IL1RAPL2: variants seen among roughly 807,000 people sequenced by gnomAD.
The protein encoded by IL1RAPL2 is interleukin 1 receptor accessory protein like 2.
Under a neutral mutation model 44.1 loss-of-function variants are expected in IL1RAPL2, and 3 were observed. The ratio of observed to expected loss-of-function variants is 0.07; its 90% confidence interval spans 0.03 to 0.18. The LOEUF (loss-of-function observed/expected upper bound fraction) is 0.18, where lower values mean the gene tolerates loss of function less well. IL1RAPL2 is among the 10% of genes least tolerant of loss of function. The pLI, the probability that IL1RAPL2 is intolerant of heterozygous loss-of-function variation, is 1.00. For synonymous variants in IL1RAPL2, 181 were observed against 178.8 expected (o/e 1.01, Z -0.10); for missense variants, 391 against 496.4 (o/e 0.79, Z 2.02).
rs143247526 is a variant in IL1RAPL2 at position 105,310,695 on chromosome X, C to G, written c.697+43154C>G. On this transcript the variant is annotated intron_variant, in intron 5 of 10. Transcript: ENST00000372582. The stretch of plus-strand genomic sequence containing the variant: ...TGAAATAATTTTCCAGTTACCATTA[C>G]GATTTATTATTTGGTATATGGTATA... Among the ~76,000 whole-genome samples, 386 of 111,129 alleles carry G rather than the reference C, an allele frequency of 3.5e-3. 2 individuals carry two copies. The highest frequency in any genetic ancestry group is 0.012 in the African/African-American group (369 of 30,687).
rs764521435 is a variant in IL1RAPL2, at chrX:104,943,123, A to C, written c.83-252352A>C. On this transcript the variant is annotated intron_variant, in intron 2 of 10. Transcript: ENST00000372582. ...GTATTTTATTGAGGATTTTTCATCG[A>C]TGTTCATCAGGGATATTGGTCTCAA... Among the ~76,000 whole-genome samples, 20 of 111,317 alleles carry C rather than the reference A, an allele frequency of 1.8e-4. 1 individual carries two copies. In the Middle Eastern group the frequency reaches 0.023, roughly 128 times the overall value.
intron 5 of IL1RAPL2, among the ~76,000 whole-genome samples, chrX:105,308,190 A>AT (rs1430249049): frequency 9.0e-6 from 1 of 111,263 alleles, no homozygotes; most frequent in Non-Finnish European, 1.9e-5. Context: ...TATTCATAAC[A>AT]TTTTTCCTAA....
At chrX:104,916,885 A>G (rs1481220375) in intron 2 of IL1RAPL2, among the ~76,000 whole-genome samples, 2 of 111,501 alleles carry the variant, frequency 1.8e-5, no homozygotes, top group African/African-American at 6.5e-5. Flanking sequence ...TGATTTGCGT[A>G]TATTGAACCA....
chrX:105,667,506 C>T (rs1471351750), intron 6 of IL1RAPL2, among the ~76,000 whole-genome samples: 6 of 112,013 alleles, frequency 5.4e-5, no homozygotes, highest in Admixed American at 1.9e-4. Context: ...AATTCTATCT[C>T]CCATCCATAT....
At chrX:105,694,893 G>T (rs978244738) in intron 6 of IL1RAPL2, among the ~76,000 whole-genome samples, 1 of 111,407 alleles carries the variant, frequency 9.0e-6, no homozygotes, top group African/African-American at 3.3e-5. Context: ...TTTCATTTGG[G>T]AGGCTGTGAT....
At chrX:105,680,548 C>T (rs1333938078) in intron 6 of IL1RAPL2, among the ~76,000 whole-genome samples, 1 of 112,080 alleles carries the variant, frequency 8.9e-6, no homozygotes, top group African/African-American at 3.2e-5. Context: ...GTTGTATAAC[C>T]AATGTTTCCA....
rs570064914 is a variant in IL1RAPL2 at position 104,883,942 on chromosome X, G to A, written c.82+224947G>A. On this transcript the variant is annotated intron_variant, in intron 2 of 10. Coordinates refer to ENST00000372582, the MANE Select transcript of IL1RAPL2 (RefSeq NM_017416.2). Reference sequence around the variant, plus strand: ...CTGGAGATCCCTCCCCTCCCTCAGGGTATGGCCCTCCACTTCATTTTTGGG... The same window carrying A: ...CTGGAGATCCCTCCCCTCCCTCAGGATATGGCCCTCCACTTCATTTTTGGG... 3.6e-5 allele frequency among the ~76,000 whole-genome samples: 4 copies of A among 111,997 alleles called. No individual in the cohort carries two copies. In the South Asian group the frequency reaches 1.5e-3, roughly 42 times the overall value.
At chrX:105,041,227 C>T (rs1444816162) in intron 2 of IL1RAPL2, among the ~76,000 whole-genome samples, 2 of 111,382 alleles carry the variant, frequency 1.8e-5, no homozygotes, top group Admixed American at 1.9e-4. Context: ...AGTTTGATTG[C>T]ACTGTGGTCT....
intron 5 of IL1RAPL2, among the ~76,000 whole-genome samples, chrX:105,467,476 G>A (rs1375156799): frequency 9.0e-6 from 1 of 111,497 alleles, no homozygotes; most frequent in Non-Finnish European, 1.9e-5. Context: ...ATAATTCACT[G>A]TGATTTTGGA....
At position 104,749,132 on chromosome X, in the gene IL1RAPL2, T is replaced by C. The variant is rs150953816; in HGVS notation, c.82+90137T>C. Among the ~76,000 whole-genome samples the C allele has an allele frequency of 1.7e-3, 190 of 111,399 alleles. 3 individuals are homozygous for C. The East Asian group carries it at 0.035, about 21-fold the overall frequency. ...GGGTAGAAGATATAGAGAAACTAGA[T>C]ACCAATGTTAGGATTCCAGGAGAAT... On this transcript the variant is annotated intron_variant, in intron 2 of 10. Transcript: ENST00000372582.
At chrX:104,699,202 T>C (rs1251852765) in intron 2 of IL1RAPL2, among the ~76,000 whole-genome samples, 1 of 111,674 alleles carries the variant, frequency 9.0e-6, no homozygotes, top group Non-Finnish European at 1.9e-5. Context: ...ATGATTCAAG[T>C]GCATTACATT....
chrX:105,616,419 G>A (rs1018167171), intron 6 of IL1RAPL2, among the ~76,000 whole-genome samples: 1 of 111,522 alleles, frequency 9.0e-6, no homozygotes, highest in East Asian at 2.8e-4. Context: ...GAGAATTACA[G>A]TTGCTCTACT....
chrX:104,905,836 T>C lies in IL1RAPL2; in HGVS notation c.82+246841T>C, dbSNP rs750039475. The stretch of plus-strand genomic sequence containing the variant: ...TTTAAAGTAGTTTTTTCCAATTCTG[T>C]GAAGAAAGTCATTGGTAGCTTGATG... On this transcript the variant is annotated intron_variant, in intron 2 of 10. Transcript: ENST00000372582. 7.2e-5 allele frequency among the ~76,000 whole-genome samples: 8 copies of C among 111,236 alleles called. No individual in the cohort carries two copies. In the South Asian group the frequency reaches 2.7e-3, roughly 37 times the overall value.
intron 2 of IL1RAPL2, among the ~76,000 whole-genome samples, chrX:105,027,972 A>G (rs1281342774): frequency 8.9e-6 from 1 of 112,103 alleles, no homozygotes; most frequent in Non-Finnish European, 1.9e-5. Context: ...TGTGGCACAT[A>G]TACACAATAG....
chrX:105,295,848 T>C (rs1165939296), intron 5 of IL1RAPL2, among the ~76,000 whole-genome samples: 1 of 111,620 alleles, frequency 9.0e-6, no homozygotes, highest in Non-Finnish European at 1.9e-5. Context: ...ATGATTGATT[T>C]GAACATTAAG....
At chrX:104,826,212 C>T (rs906337062) in intron 2 of IL1RAPL2, among the ~76,000 whole-genome samples, 2 of 111,475 alleles carry the variant, frequency 1.8e-5, no homozygotes, top group Non-Finnish European at 3.8e-5. Flanking sequence ...GTTAGGGTGT[C>T]GATTTTAGAT....
At chrX:105,025,169 A>G (rs924223554) in intron 2 of IL1RAPL2, among the ~76,000 whole-genome samples, 12 of 111,213 alleles carry the variant, frequency 1.1e-4, no homozygotes, top group Non-Finnish European at 2.1e-4. Context: ...ATCAAGGAAG[A>G]AAAGAGGGAA....
At chrX:105,218,921 C>T (rs782312097) in intron 3 of IL1RAPL2, 20 of 1,136,362 alleles carry the variant, frequency 1.8e-5, no homozygotes, top group Admixed American at 2.3e-5. Context: ...ATTAATTCGC[C>T]ATCGAGATAT....
intron 2 of IL1RAPL2, among the ~76,000 whole-genome samples, chrX:104,939,412 C>T (rs1356654399): frequency 9.0e-6 from 1 of 111,476 alleles, no homozygotes; most frequent in Non-Finnish European, 1.9e-5. Context: ...GCCTATTTGA[C>T]TTTTTTAAAC....
Sources: gnomAD v4.1 joint callset for allele counts (sites outside exome capture counted in the v4.1 genomes callset) on GRCh38, gnomAD v4.1.1 for gene constraint, MANE v1.5 for transcripts, NCBI Gene and HGNC (gene_info 2026-07-23, HGNC 2026-07-21) for gene names.